HLCS: variants seen among roughly 807,000 people sequenced by gnomAD.
HLCS encodes biotin--protein ligase.
In HLCS, 53 loss-of-function variants were observed where a neutral mutation model predicts 75.0. That is an observed-to-expected ratio of 0.71 (90% CI 0.57 to 0.89). HLCS has a LOEUF of 0.89. HLCS is among the 40% of genes least tolerant of loss of function. HLCS has a pLI of 0.00. For synonymous variants in HLCS, 431 were observed against 428.6 expected (o/e 1.01, Z -0.07); for missense variants, 966 against 1,074.0 (o/e 0.90, Z 1.41).
chr21:36,875,608 T>A (rs560252650), intron 6 of HLCS, among the ~76,000 whole-genome samples: 1 of 152,322 alleles, frequency 6.6e-6, no homozygotes, highest in Admixed American at 6.5e-5. Context: ...TGGACACTCA[T>A]CGGGACGATC....
At chr21:36,820,868 GAAAAA>G (rs2061818656) in intron 6 of HLCS, among the ~76,000 whole-genome samples, 2 of 152,232 alleles carry the variant, frequency 1.3e-5, no homozygotes, top group African/African-American at 4.8e-5. Flanking sequence ...CAAAAGCACG[GAAAAA>G]CCAGAAGTCA....
chr21:36,925,177 A>T (rs914721655), intron 5 of HLCS, among the ~76,000 whole-genome samples: 2 of 152,114 alleles, frequency 1.3e-5, no homozygotes, highest in African/African-American at 4.8e-5. Flanking sequence ...TACCCATTCC[A>T]TAACTCCCCA....
chr21:36,789,738 C>T (rs903739852), intron 6 of HLCS, among the ~76,000 whole-genome samples: 2 of 152,210 alleles, frequency 1.3e-5, no homozygotes, highest in African/African-American at 4.8e-5. Flanking sequence ...CTCAAAGATG[C>T]ATGTTTTAAG....
chr21:36,832,619 T>A (rs1269110505), intron 6 of HLCS, among the ~76,000 whole-genome samples: 4 of 152,186 alleles, frequency 2.6e-5, no homozygotes, highest in South Asian at 4.1e-4. Flanking sequence ...AAATAAGGCA[T>A]AGAAAGGTTA....
chr21:36,927,065 A>AT (rs780259478), intron 5 of HLCS, among the ~76,000 whole-genome samples: 2 of 152,068 alleles, frequency 1.3e-5, no homozygotes, highest in Non-Finnish European at 2.9e-5. Context: ...TTCTACGGAG[A>AT]TAGGTGTGTG....
intron 6 of HLCS, among the ~76,000 whole-genome samples, chr21:36,888,494 A>C (rs8127553): frequency 7.5e-5 from 7 of 93,048 alleles, no homozygotes; most frequent in Admixed American, 7.1e-4. Flanking sequence ...ATATATATAT[A>C]TATTTATTTA....
rs973805570 is a variant in HLCS, at chr21:36,753,222, G to A, written c.*1024C>T. 1.3e-5 allele frequency: 2 copies of A among 152,580 alleles called. No homozygotes were observed. The highest frequency in any genetic ancestry group is 2.9e-5 in the Non-Finnish European group (2 of 68,036). 9.5% of individuals were successfully genotyped at this position (152,580 alleles called of 1,614,324 possible). On this transcript the variant is annotated 3_prime_UTR_variant, in exon 11 of 11. Transcript: ENST00000674895. The surrounding 1 kb of genome is among the most constrained non-coding windows in gnomAD (Gnocchi z 4.3). The stretch of plus-strand genomic sequence containing the variant: ...CTCTGAACTGATGGTGTTTAGTATC[G>A]ATAACATTTTCTTTCTTGGTAATAC...
chr21:36,965,592 A>T (rs1043153620), intron 1 of HLCS, among the ~76,000 whole-genome samples: 2 of 152,244 alleles, frequency 1.3e-5, no homozygotes, highest in East Asian at 3.8e-4. Flanking sequence ...TAAAAGACGC[A>T]AAGACCATCA....
At chr21:36,862,848 G>A (rs996539900) in intron 6 of HLCS, among the ~76,000 whole-genome samples, 1 of 152,096 alleles carries the variant, frequency 6.6e-6, no homozygotes, top group Non-Finnish European at 1.5e-5. Context: ...ATTCAGCAAT[G>A]GCAGAAGTGA....
At position 36,894,593 on chromosome 21, in the gene HLCS, T is replaced by A. The variant is rs2064934386; in HGVS notation, c.1892+2267A>T. On this transcript the variant is annotated intron_variant, in intron 6 of 10. Transcript: ENST00000674895. The stretch of plus-strand genomic sequence containing the variant: ...CTGGGAACAGCGGATGCAGGGCATC[T>A]GGTAAGCTAAGGCCGCCAACAACCA... Among the ~76,000 whole-genome samples, 3 of 152,208 alleles carry A rather than the reference T, an allele frequency of 2.0e-5. No homozygotes were observed. The South Asian group carries it at 6.2e-4, about 31-fold the overall frequency.
At chr21:36,950,463 C>A (rs2067618705) in intron 2 of HLCS, among the ~76,000 whole-genome samples, 1 of 148,056 alleles carries the variant, frequency 6.8e-6, no homozygotes, top group South Asian at 2.2e-4. Flanking sequence ...ACGGGAGAAC[C>A]AATCTTTTTT....
At chr21:36,924,262 T>C (rs1042977203) in intron 5 of HLCS, among the ~76,000 whole-genome samples, 3 of 152,142 alleles carry the variant, frequency 2.0e-5, no homozygotes, top group African/African-American at 7.2e-5. Flanking sequence ...AATTAACTCA[T>C]TAGAAAAATA....
intron 6 of HLCS, among the ~76,000 whole-genome samples, chr21:36,880,978 GTTTGTTTGT>G (rs1218540612): frequency 2.0e-5 from 3 of 151,776 alleles, no homozygotes; most frequent in Non-Finnish European, 4.4e-5. Context: ...TTGTTTGTTT[GTTTGTTTGT>G]TTTGAGATAG....
rs150812374 is a variant in HLCS at position 36,887,025 on chromosome 21, G to T, written c.1892+9835C>A. On this transcript the variant is annotated intron_variant, in intron 6 of 10. Transcript: ENST00000674895. ...CATGCCTGTAATCCCAGCTGCGCAG[G>T]AGGCTGGGGCAGGATAATTGCTTGA... Among the ~76,000 whole-genome samples the T allele has an allele frequency of 3.1e-3, 478 of 152,218 alleles. 3 individuals are homozygous for T. Among genetic ancestry groups the T allele is most frequent in the African/African-American group, 0.011 (465 of 41,520 alleles).
At chr21:36,924,451 T>C (rs980282602) in intron 5 of HLCS, among the ~76,000 whole-genome samples, 5 of 152,052 alleles carry the variant, frequency 3.3e-5, no homozygotes, top group Non-Finnish European at 5.9e-5. Flanking sequence ...CCCCAGCTAC[T>C]TGGGAGGCTG....
chr21:36,846,333 A>G (rs192202910), intron 6 of HLCS, among the ~76,000 whole-genome samples: 3 of 152,342 alleles, frequency 2.0e-5, no homozygotes, highest in African/African-American at 7.2e-5. Context: ...TTGGTTTCCT[A>G]AAGTTCCTAT....
At chr21:36,765,241 C>T in intron 7 of HLCS, 69 bp from the exon 8 acceptor site, 1 of 1,371,720 alleles carries the variant, frequency 7.3e-7, no homozygotes. Context: ...CACGTCATGC[C>T]AGGGCCACAC....
At chr21:36,801,811 T>TTA (rs2061211397) in intron 6 of HLCS, among the ~76,000 whole-genome samples, 1 of 152,038 alleles carries the variant, frequency 6.6e-6, no homozygotes, top group African/African-American at 2.4e-5. Flanking sequence ...TTTAATTTCT[T>TTA]TTATAGAGAC....
At position 36,822,336 on chromosome 21, in the gene HLCS, C is replaced by T. The variant is rs570311072; in HGVS notation, c.1893-55051G>A. The stretch of plus-strand genomic sequence containing the variant: ...TTGGGAGGCTGAGGCAGAAGAATTG[C>T]TTGAACCCGGGAGGCAGAGGTTGCA... On this transcript the variant is annotated intron_variant, in intron 6 of 10. Coordinates refer to ENST00000674895, the MANE Select transcript of HLCS (RefSeq NM_001352514.2). 6.6e-5 allele frequency among the ~76,000 whole-genome samples: 10 copies of T among 152,236 alleles called. No homozygotes were observed. In the South Asian group the frequency reaches 1.3e-3, roughly 19 times the overall value.
Sources: allele counts gnomAD v4.1 joint callset (sites outside exome capture counted in the v4.1 genomes callset), GRCh38; gene constraint gnomAD v4.1.1; non-coding constraint Gnocchi (gnomAD v3.1); transcripts MANE v1.5; gene names NCBI Gene and HGNC (gene_info 2026-07-23, HGNC 2026-07-21).